Variants in FILIP1L observed in about 807,000 individuals in gnomAD.
The protein encoded by FILIP1L is filamin A interacting protein 1 like, also known as filamin A-interacting protein 1-like.
FILIP1L carries 55 observed loss-of-function variants against 96.6 expected under a neutral mutation model. The observed-to-expected ratio is 0.57, with a 90% confidence interval of 0.46 to 0.71. The LOEUF is 0.71. Ranked by LOEUF, FILIP1L falls within the 30% of genes least tolerant of loss-of-function variation. The pLI is 0.00. For synonymous variants in FILIP1L, 467 were observed against 473.9 expected (o/e 0.99, Z 0.19); for missense variants, 1,304 against 1,321.2 (o/e 0.99, Z 0.20).
Position 100,017,528 on chromosome 3 carries a change from T to C in FILIP1L, c.-10-86498A>G, listed in dbSNP as rs1710379235. Among the ~76,000 whole-genome samples, 4 of 151,998 alleles carry C rather than the reference T, an allele frequency of 2.6e-5. No individual in the cohort carries two copies. The South Asian group carries it at 8.3e-4, about 32-fold the overall frequency. On this transcript the variant is annotated intron_variant, in intron 1 of 5. Coordinates refer to ENST00000477258, the MANE Select transcript of FILIP1L (RefSeq NM_001387850.1). Reference sequence around the variant, plus strand: ...AGTAAGCACCATAGTAACCAAAGAGTGAAATTATTGTATATGTACTTTGTG... The same window carrying C: ...AGTAAGCACCATAGTAACCAAAGAGCGAAATTATTGTATATGTACTTTGTG...
Position 99,829,885 on chromosome 3 carries a change from A to G in FILIP1L, c.*529T>C, listed in dbSNP as rs372265047. Among the ~76,000 whole-genome samples the G allele has an allele frequency of 5.3e-5, 8 of 152,322 alleles. No homozygotes were observed. The East Asian group carries it at 5.8e-4, about 11-fold the overall frequency. ...TTTGTTATGCTTTTCCTCCTTTAAG[A>G]ATTATCACTTTGCTTTTTCCCTCCT... On this transcript the variant is annotated 3_prime_UTR_variant, in exon 6 of 6. Coordinates refer to ENST00000477258, the MANE Select transcript of FILIP1L (RefSeq NM_001387850.1).
At chr3:100,064,468 T>A (rs1230292479) in intron 1 of FILIP1L, among the ~76,000 whole-genome samples, 2 of 152,236 alleles carry the variant, frequency 1.3e-5, no homozygotes, top group South Asian at 2.1e-4. Context: ...AGCCCCTTAC[T>A]GCATTAAGTG....
intron 4 of FILIP1L, among the ~76,000 whole-genome samples, chr3:99,912,886 T>G (rs1224099711): frequency 1.3e-5 from 2 of 152,204 alleles, no homozygotes; most frequent in African/African-American, 2.4e-5. Context: ...ATTGCTGAGT[T>G]GTATGGTAAC....
At chr3:100,035,305 A>G (rs1379065463) in intron 1 of FILIP1L, among the ~76,000 whole-genome samples, 1 of 152,070 alleles carries the variant, frequency 6.6e-6, no homozygotes, top group African/African-American at 2.4e-5. Flanking sequence ...ACACAGTCTC[A>G]CTCTGTCACC....
At chr3:99,867,774 A>G (rs1944593198) in intron 4 of FILIP1L, among the ~76,000 whole-genome samples, 1 of 152,172 alleles carries the variant, frequency 6.6e-6, no homozygotes, top group South Asian at 2.1e-4. Context: ...TCACATGTCA[A>G]GAGATTTTAT....
At chr3:99,969,539 T>C (rs995800264) in intron 1 of FILIP1L, among the ~76,000 whole-genome samples, 1 of 152,128 alleles carries the variant, frequency 6.6e-6, no homozygotes, top group African/African-American at 2.4e-5. Context: ...AGTGAAAGAA[T>C]GGTTGAAGTA....
intron 3 of FILIP1L, among the ~76,000 whole-genome samples, chr3:99,925,208 A>G (rs557226756): frequency 7.2e-5 from 11 of 152,216 alleles, no homozygotes; most frequent in Non-Finnish European, 2.9e-5. Context: ...AAATAGATCT[A>G]TGAATAGATA....
chr3:99,855,388 A>G (rs793444), intron 4 of FILIP1L, among the ~76,000 whole-genome samples: 5,334 of 152,282 alleles, frequency 0.035, 136 homozygotes, highest in Non-Finnish European at 0.049. Context: ...TAAAATATAT[A>G]TATAATAGCT....
In FILIP1L at chr3:99,850,770, A is replaced by T; in HGVS notation, c.906T>A (p.Phe302Leu). The change falls in exon 5 of 6, where the codon TTT (phenylalanine) becomes TTA (leucine). Residue 302 changes from phenylalanine to leucine, a missense_variant. Transcript: ENST00000477258. ...EKELQTQTTK[F>L]HQDQDTIMAK... is the part of the protein sequence containing the mutation. ...CCATAATTGTGTCTTGGTCTTGGTG[A>T]AACTTTGTGGTCTGCGTTTGCAGTT... 6.2e-7 allele frequency: 1 copy of T among 1,614,082 alleles called. No individual in the cohort carries two copies.
intron 1 of FILIP1L, among the ~76,000 whole-genome samples, chr3:100,061,641 T>C (rs1167779233): frequency 1.3e-5 from 2 of 152,246 alleles, no homozygotes; most frequent in Non-Finnish European, 2.9e-5. Flanking sequence ...TCTTGGACTT[T>C]TATTGCATTC....
intron 1 of FILIP1L, among the ~76,000 whole-genome samples, chr3:100,037,956 T>TTTG (rs1491209575): frequency 0.58 from 52,501 of 90,676 alleles, 14,226 homozygotes; most frequent in Middle Eastern, 0.68. Context: ...TTTTTTTTTT[T>TTTG]GGGGGGGGAG....
At chr3:99,918,375 C>G (rs1012016215) in intron 4 of FILIP1L, among the ~76,000 whole-genome samples, 2 of 152,202 alleles carry the variant, frequency 1.3e-5, no homozygotes, top group Admixed American at 6.5e-5. Flanking sequence ...CTGCCACTAT[C>G]TCTAAGCTCC....
At chr3:99,866,028 A>G (rs570754819) in intron 4 of FILIP1L, among the ~76,000 whole-genome samples, 7 of 152,224 alleles carry the variant, frequency 4.6e-5, no homozygotes, top group Non-Finnish European at 8.8e-5. Flanking sequence ...AGGATTTAAT[A>G]TGATTCCTTC....
intron 1 of FILIP1L, among the ~76,000 whole-genome samples, chr3:99,948,357 A>T (rs187711224): frequency 1.3e-3 from 201 of 152,126 alleles, no homozygotes; most frequent in African/African-American, 4.5e-3. Flanking sequence ...AAAATTTTTT[A>T]AAAATTAAGT....
At chr3:100,011,018 T>C (rs1446414364) in intron 1 of FILIP1L, among the ~76,000 whole-genome samples, 1 of 151,954 alleles carries the variant, frequency 6.6e-6, no homozygotes, top group Non-Finnish European at 1.5e-5. Flanking sequence ...AAATACACAA[T>C]TTAGGAAGTA....
intron 1 of FILIP1L, among the ~76,000 whole-genome samples, chr3:100,062,926 A>T (rs2065598903): frequency 6.6e-6 from 1 of 152,206 alleles, no homozygotes; most frequent in Non-Finnish European, 1.5e-5. Context: ...CAGCTTGCTT[A>T]ATCTCTCTGA....
chr3:100,050,517 AT>A (rs2065351798), intron 1 of FILIP1L, among the ~76,000 whole-genome samples: 1 of 151,968 alleles, frequency 6.6e-6, no homozygotes, highest in Admixed American at 6.6e-5. Context: ...AATTCCCACA[AT>A]TTGTTTGTTT....
intron 1 of FILIP1L, among the ~76,000 whole-genome samples, chr3:99,934,001 G>A (rs879700888): frequency 8.5e-5 from 13 of 152,258 alleles, no homozygotes; most frequent in African/African-American, 2.2e-4. Context: ...GGTCTAAGAC[G>A]GGCTCTCACG....
chr3:100,000,794 T>A (rs865855615), intron 1 of FILIP1L, among the ~76,000 whole-genome samples: 1 of 152,264 alleles, frequency 6.6e-6, no homozygotes, highest in South Asian at 2.1e-4. Flanking sequence ...TTGTTTGAAG[T>A]GTATTGAAAT....
Sources: gnomAD v4.1 joint callset for allele counts (sites outside exome capture counted in the v4.1 genomes callset) on GRCh38, gnomAD v4.1.1 for gene constraint, MANE v1.5 for transcripts, NCBI Gene and HGNC (gene_info 2026-07-23, HGNC 2026-07-21) for gene names.